AACS: variants seen among roughly 807,000 people sequenced by gnomAD.
AACS encodes the protein acetoacetyl-CoA synthetase, also known as acetoacetate-CoA ligase.
A neutral mutation model predicts 83.1 loss-of-function variants in AACS; 69 were observed. The observed-to-expected ratio is 0.83, with a 90% CI of 0.68 to 1.01. AACS has a LOEUF of 1.01. AACS is among the 50% of genes least tolerant of loss of function. AACS has a pLI of 0.00. For synonymous variants in AACS, 333 were observed against 343.4 expected (o/e 0.97, Z 0.33); for missense variants, 866 against 882.2 (o/e 0.98, Z 0.23).
Position 125,142,168 on chromosome 12 carries a change from C to G in AACS, c.1958C>G (p.Ala653Gly). Residue 653 changes from alanine to glycine, a missense_variant, in exon 18 of 18, where the codon GCT becomes GGT. Ala to Gly is a moderately conservative substitution (Grantham distance 60, BLOSUM62 0). Transcript: ENST00000316519. ...IAGKAVEQGG[A>G]FSNPETLDLY... ...GGAAAAGCCGTGGAGCAAGGAGGTG[C>G]TTTCTCGAACCCCGAGACCCTGGAT... The G allele has an allele frequency of 6.2e-7, 1 of 1,614,214 alleles. No individual in the cohort carries two copies. The highest frequency in any genetic ancestry group is 8.5e-7 in the Non-Finnish European group (1 of 1,180,048).
Position 125,129,309 on chromosome 12 carries a change from G to A in AACS, c.1424-26G>A, listed in dbSNP as rs200675843. 5 of 1,604,466 alleles carry A rather than the reference G, an allele frequency of 3.1e-6. No individual in the cohort carries two copies. The highest frequency in any genetic ancestry group is 2.2e-5 in the East Asian group (1 of 44,694). On this transcript the variant is annotated intron_variant, in intron 13 of 17. Transcript: ENST00000316519. This position sits in a 1 kb window ranked among gnomAD's most constrained non-coding sequence, Gnocchi z 4.3. ...GGTGTGTGGCTGTGGTGTGTGTTGG[G>A]CTTATTTTTAATTCTCCCATACCAG...
In AACS at chr12:125,124,933, G is replaced by A. The variant is rs147156760; in HGVS notation, c.1218G>A (p.Thr406=). The change falls in exon 12 of 18, where the codon ACG becomes ACA. Residue 406 remains threonine, a synonymous_variant. Transcript: ENST00000316519. ...CCCACAGTCTCCAGATGCTCCACAC[G>A]ATCCTGTCCACTGGCTCCCCACTGA... The part of the protein sequence containing the change: ...VETHSLQMLH[T]ILSTGSPLKA... The A allele has an allele frequency of 6.2e-6, 10 of 1,614,072 alleles. No homozygotes were observed. In the African/African-American group the frequency reaches 1.1e-4, roughly 17 times the overall value.
At chr12:125,108,212 A>C (rs1956874937) in intron 8 of AACS, among the ~76,000 whole-genome samples, 1 of 152,218 alleles carries the variant, frequency 6.6e-6, no homozygotes, top group African/African-American at 2.4e-5. Context: ...CCGTGCTGCG[A>C]GTCTGTTAGG....
intron 2 of AACS, among the ~76,000 whole-genome samples, chr12:125,076,098 G>C (rs982071220): frequency 6.6e-6 from 1 of 152,180 alleles, no homozygotes; most frequent in Non-Finnish European, 1.5e-5. Flanking sequence ...GGAAGCAAAG[G>C]CTGAAGCCCC....
intron 17 of AACS, chr12:125,141,751 G>T: frequency 4.2e-6 from 1 of 236,610 alleles, no homozygotes; most frequent in Non-Finnish European, 8.1e-6. Context: ...TGCTCATGGT[G>T]ACCTCTGGGC....
In AACS at chr12:125,113,474, G is replaced by A. The variant is rs546249505; in HGVS notation, c.916-1003G>A. On this transcript the variant is annotated intron_variant, in intron 8 of 17. Coordinates refer to ENST00000316519, the MANE Select transcript of AACS (RefSeq NM_023928.5). The surrounding 1 kb of genome is among the most constrained non-coding windows in gnomAD (Gnocchi z 4.8). ...TGGGAGCGTGGAGTGACGGGTGCAG[G>A]GGCCACTGGCTCTGCTCTCTGGGTT... Among the ~76,000 whole-genome samples the A allele has an allele frequency of 6.6e-6, 1 of 152,298 alleles. No homozygotes were observed. The highest frequency in any genetic ancestry group is 2.4e-5 in the African/African-American group (1 of 41,566).
At chr12:125,110,090 G>C (rs1319939541) in intron 8 of AACS, among the ~76,000 whole-genome samples, 1 of 151,702 alleles carries the variant, frequency 6.6e-6, no homozygotes, top group Non-Finnish European at 1.5e-5. Context: ...CTCAATGTTG[G>C]CTCACTGCAA....
At chr12:125,110,174 C>T (rs887679063) in intron 8 of AACS, among the ~76,000 whole-genome samples, 30 of 148,528 alleles carry the variant, frequency 2.0e-4, no homozygotes, top group Admixed American at 2.0e-3. Context: ...CGCCCGCGAC[C>T]ACGGCCGGCT....
At chr12:125,138,839 C>G (rs1050204652) in intron 17 of AACS, 1 of 152,082 alleles carries the variant, frequency 6.6e-6, no homozygotes, top group African/African-American at 2.4e-5. Context: ...TCTTTTATTG[C>G]TGAGCTAGGG....
chr12:125,116,764 C>T (rs908009792), intron 9 of AACS, among the ~76,000 whole-genome samples: 43 of 152,308 alleles, frequency 2.8e-4, no homozygotes, highest in African/African-American at 9.9e-4. Context: ...CGCGCCCGGC[C>T]TCCCGACCTG....
intron 14 of AACS, among the ~76,000 whole-genome samples, chr12:125,131,181 G>A (rs1032754375): frequency 1.3e-5 from 2 of 152,158 alleles, no homozygotes; most frequent in Non-Finnish European, 2.9e-5. Context: ...GAGAGTTTAA[G>A]AACAGAGGAC....
chr12:125,134,008 T>C lies in AACS; in HGVS notation c.1555T>C (p.Trp519Arg). The C allele has an allele frequency of 6.2e-7, 1 of 1,614,150 alleles. No homozygotes were observed. Among genetic ancestry groups the C allele is most frequent in the South Asian group, 1.1e-5 (1 of 91,084 alleles). Residue 519 changes from tryptophan (W) to arginine (R), a missense_variant, in exon 15 of 18, where the codon TGG (tryptophan) becomes CGG (arginine). Physicochemically the swap from Trp to Arg is moderately radical, Grantham distance 101 (BLOSUM62 -3). Transcript: ENST00000316519. ...KAYFSKFPGI[W>R]AHGDYCRINP... The stretch of plus-strand genomic sequence containing the variant: ...CACCTCTGCTGTCTTTGCAGGTATC[T>C]GGGCTCATGGCGACTACTGCAGAAT...
intron 8 of AACS, among the ~76,000 whole-genome samples, chr12:125,107,647 A>G (rs1284530905): frequency 6.6e-6 from 1 of 152,232 alleles, no homozygotes; most frequent in African/African-American, 2.4e-5. Context: ...AGAACGAATC[A>G]GAATAGACAA....
intron 2 of AACS, among the ~76,000 whole-genome samples, chr12:125,075,872 G>A (rs1212159229): frequency 1.3e-5 from 2 of 152,190 alleles, no homozygotes; most frequent in African/African-American, 2.4e-5. Flanking sequence ...GATTACAGGC[G>A]TGAGCCACTG....
chr12:125,124,035 C>T (rs1339458384), intron 10 of AACS: 1 of 152,184 alleles, frequency 6.6e-6, no homozygotes, highest in Non-Finnish European at 1.5e-5. Context: ...AAGTATGGCA[C>T]ATGTTTTCAC....
chr12:125,065,886 C>T (rs972989654), intron 1 of AACS, among the ~76,000 whole-genome samples, 169 bp downstream of exon 1: 1 of 152,212 alleles, frequency 6.6e-6, no homozygotes, highest in Non-Finnish European at 1.5e-5. Context: ...GAACATCACC[C>T]CTCCACAGCA....
intron 7 of AACS, 146 bp downstream of exon 7, chr12:125,103,227 A>G (rs1956755917): frequency 1.5e-6 from 1 of 659,308 alleles, no homozygotes; most frequent in Non-Finnish European, 2.6e-6. Flanking sequence ...TTTTGTAGAT[A>G]AGACACCTGA....
intron 5 of AACS, 102 bp from the exon 6 acceptor site, chr12:125,102,577 A>G (rs1019454709): frequency 1.1e-6 from 1 of 949,556 alleles, no homozygotes; most frequent in South Asian, 1.3e-5. Context: ...CAATCCTCCC[A>G]CCTCAGCCTC....
Position 125,114,512 on chromosome 12 carries a change from G to T in AACS, c.951G>T (p.Leu317=). 6.2e-7 allele frequency: 1 copy of T among 1,613,434 alleles called. No individual in the cohort carries two copies. The highest frequency in any genetic ancestry group is 1.7e-4 in the Middle Eastern group (1 of 6,060). Residue 317 remains leucine, a synonymous_variant, in exon 9 of 18, where the codon CTG becomes CTT. Coordinates refer to ENST00000316519, the MANE Select transcript of AACS (RefSeq NM_023928.5). ...TCCAGCATCTGAAGGAGCACCTGCT[G>T]CACGGCAACATGACCAGCAGTGACA... ...TLIQHLKEHL[L]HGNMTSSDIL...
Sources: gnomAD v4.1 joint callset for allele counts (sites outside exome capture counted in the v4.1 genomes callset) on GRCh38, gnomAD v4.1.1 for gene constraint, Gnocchi (gnomAD v3.1) non-coding constraint, MANE v1.5 for transcripts, NCBI Gene and HGNC (gene_info 2026-07-23, HGNC 2026-07-21) for gene names.